DPP6: variants seen among roughly 807,000 people sequenced by gnomAD.
DPP6 encodes the protein dipeptidyl peptidase like 6.
Under a neutral mutation model 122.6 loss-of-function variants are expected in DPP6, and 69 were observed. The ratio of observed to expected loss-of-function variants is 0.56; its 90% CI spans 0.46 to 0.69. The LOEUF is 0.69. DPP6 is among the 30% of genes least tolerant of loss of function. The probability of loss-of-function intolerance (pLI) is 0.00; values close to 1 mark genes in which losing one functional copy is unlikely to be tolerated. For missense variants in DPP6, 928 were observed against 1,116.9 expected, an observed-to-expected ratio of 0.83 and a Z score of 2.41; for synonymous variants, 418 against 433.1, an observed-to-expected ratio of 0.97 and a Z score of 0.43.
intron 2 of DPP6, among the ~76,000 whole-genome samples, chr7:154,452,546 T>C (rs936518931): frequency 6.6e-6 from 1 of 152,254 alleles, no homozygotes; most frequent in Admixed American, 6.5e-5. Flanking sequence ...AAAAAAATAG[T>C]ATTTTTCAAG....
At chr7:153,803,566 A>T in the DPP6 span, among the ~76,000 whole-genome samples, 1 of 151,972 alleles carries the variant, frequency 6.6e-6, no homozygotes, top group Non-Finnish European at 1.5e-5. Flanking sequence ...ATACGGAATT[A>T]TATCACTGGC....
intron 3 of DPP6, among the ~76,000 whole-genome samples, chr7:154,495,215 G>A (rs1195737122): frequency 6.6e-6 from 1 of 152,184 alleles, no homozygotes; most frequent in Non-Finnish European, 1.5e-5. Flanking sequence ...GGCCATGAGT[G>A]TGAGGAGAAG....
intron 1 of DPP6, among the ~76,000 whole-genome samples, chr7:154,371,025 C>T (rs751230006): frequency 1.2e-4 from 18 of 152,166 alleles, no homozygotes; most frequent in Non-Finnish European, 2.2e-4. Flanking sequence ...AGGTCTGCTC[C>T]TGATACCAGG....
chr7:154,797,605 A>G (rs1363349527), intron 12 of DPP6, among the ~76,000 whole-genome samples: 5 of 152,202 alleles, frequency 3.3e-5, no homozygotes, highest in Non-Finnish European at 7.3e-5. Context: ...ACTCATAGAC[A>G]CAGAAAGCTG....
intron 5 of DPP6, among the ~76,000 whole-genome samples, chr7:154,613,250 G>GTA (rs1270293500): frequency 1.3e-5 from 2 of 152,112 alleles, no homozygotes; most frequent in Non-Finnish European, 2.9e-5. Context: ...TTTCTAAATG[G>GTA]TATTTGAATG....
chr7:154,844,901 T>C (rs1801826945), intron 16 of DPP6, among the ~76,000 whole-genome samples: 1 of 152,208 alleles, frequency 6.6e-6, no homozygotes, highest in South Asian at 2.1e-4. Flanking sequence ...GATGGCCTGG[T>C]TGTCATATGG....
intron 1 of DPP6, among the ~76,000 whole-genome samples, chr7:154,070,853 A>G (rs1288058937): frequency 6.6e-6 from 1 of 152,220 alleles, no homozygotes; most frequent in East Asian, 1.9e-4. Context: ...GATGAACTGT[A>G]TTATATAAAG....
chr7:153,883,090 G>C (rs147376048), upstream of DPP6, among the ~76,000 whole-genome samples: 1 of 151,952 alleles, frequency 6.6e-6, no homozygotes, highest in Admixed American at 6.6e-5. Flanking sequence ...GACCACCTTC[G>C]CATCCCCGTT....
intron 1 of DPP6, among the ~76,000 whole-genome samples, chr7:154,185,219 GAGA>G (rs1297449995): frequency 3.3e-5 from 5 of 152,202 alleles, no homozygotes; most frequent in African/African-American, 1.2e-4. Context: ...CCTGTGTAAT[GAGA>G]AGATCAGCAC....
chr7:154,626,831 G>C (rs929088899), intron 5 of DPP6, among the ~76,000 whole-genome samples: 16 of 152,114 alleles, frequency 1.1e-4, no homozygotes, highest in African/African-American at 3.6e-4. Flanking sequence ...AATGGTTGCA[G>C]TAAATTGCCT....
At chr7:154,101,152 C>T (rs1332460972) in intron 1 of DPP6, among the ~76,000 whole-genome samples, 3 of 138,534 alleles carry the variant, frequency 2.2e-5, no homozygotes, top group African/African-American at 5.0e-5. Context: ...AAAGCTTCCT[C>T]TGTAATTTCC....
At chr7:154,335,199 C>T (rs539771355) in intron 1 of DPP6, among the ~76,000 whole-genome samples, 42 of 152,212 alleles carry the variant, frequency 2.8e-4, no homozygotes, top group African/African-American at 9.6e-4. Context: ...ATGTTAATGC[C>T]GGTTATAGAA....
chr7:154,154,692 T>C (rs1219130453), intron 1 of DPP6, among the ~76,000 whole-genome samples: 3 of 152,252 alleles, frequency 2.0e-5, no homozygotes, highest in Non-Finnish European at 4.4e-5. Flanking sequence ...ATCTATGTGA[T>C]TTCCCCACTT....
intron 1 of DPP6, among the ~76,000 whole-genome samples, chr7:154,204,054 C>T (rs1239191494): frequency 6.6e-6 from 1 of 152,200 alleles, no homozygotes; most frequent in African/African-American, 2.4e-5. Flanking sequence ...CATAGCAATC[C>T]TGTTTCTGCT....
At chr7:154,710,308 A>G (rs3807256) in intron 7 of DPP6, among the ~76,000 whole-genome samples, 135,826 of 152,246 alleles carry the variant, frequency 0.89, 61,137 homozygotes, top group South Asian at 0.97. Flanking sequence ...CCTTATCTCA[A>G]TGCAACTTAT....
intron 1 of DPP6, among the ~76,000 whole-genome samples, chr7:154,406,288 A>T (rs1216105535): frequency 1.3e-5 from 2 of 152,194 alleles, no homozygotes; most frequent in African/African-American, 4.8e-5. Context: ...CTCTTTTATT[A>T]AACACACTTC....
chr7:153,885,116 G>GTGGT (rs10693546), upstream of DPP6, among the ~76,000 whole-genome samples: 1 of 149,742 alleles, frequency 6.7e-6, no homozygotes, highest in South Asian at 2.1e-4. Flanking sequence ...ATGCTTGGTG[G>GTGGT]GAAAGAGAGG....
chr7:154,237,871 C>T (rs1801319971), intron 1 of DPP6, among the ~76,000 whole-genome samples: 1 of 152,070 alleles, frequency 6.6e-6, no homozygotes, highest in African/African-American at 2.4e-5. Flanking sequence ...TGAGGGGAGC[C>T]CTGGGAGCGT....
At chr7:154,436,401 G>A (rs764638318) in intron 1 of DPP6, among the ~76,000 whole-genome samples, 4 of 151,786 alleles carry the variant, frequency 2.6e-5, no homozygotes, top group Admixed American at 6.6e-5. Context: ...CAACACCTCA[G>A]TAAAAATCAG....
Sources: allele counts gnomAD v4.1 joint callset (sites outside exome capture counted in the v4.1 genomes callset), GRCh38; gene constraint gnomAD v4.1.1; transcripts MANE v1.5; gene names NCBI Gene and HGNC (gene_info 2026-07-23, HGNC 2026-07-21).